The following RIC1 variants were observed in gnomAD, a reference collection of about 807,000 sequenced individuals.
RIC1 encodes the protein guanine nucleotide exchange factor subunit RIC1.
Under a neutral mutation model 169.0 loss-of-function variants are expected in RIC1, and 88 were observed. The ratio of observed to expected loss-of-function variants is 0.52; its 90% confidence interval spans 0.44 to 0.62. The LOEUF (loss-of-function observed/expected upper bound fraction) is 0.62, where lower values mean the gene tolerates loss of function less well. RIC1 is among the 20% of genes least tolerant of loss of function. The probability of loss-of-function intolerance (pLI) is 0.00; values close to 1 mark genes in which losing one functional copy is unlikely to be tolerated. For missense variants in RIC1, 1,877 were observed against 1,725.5 expected (o/e 1.09, Z -1.56); for synonymous variants, 790 against 601.5 (o/e 1.31, Z -4.59).
chr9:5,744,321 C>A (rs767374501), intron 10 of RIC1, among the ~76,000 whole-genome samples: 3 of 152,008 alleles, frequency 2.0e-5, no homozygotes, highest in African/African-American at 7.3e-5. Flanking sequence ...TTGTGCATTA[C>A]TTGAGGATAT....
chr9:5,633,859 A>T (rs1007862306), intron 1 of RIC1, among the ~76,000 whole-genome samples: 5 of 152,190 alleles, frequency 3.3e-5, no homozygotes, highest in African/African-American at 1.2e-4. Flanking sequence ...TATTCATCTT[A>T]TACCTGAAAA....
chr9:5,756,341 T>C lies in RIC1; in HGVS notation c.1822T>C (p.Cys608Arg). ...VIVFRADCSI[C>R]LYSIERKSDG... Reference sequence around the variant, plus strand: ...AGTATTTAGAGCAGACTGTTCAATATGCCTTTACAGTATTGAAAGAAAATC... The same window carrying C: ...AGTATTTAGAGCAGACTGTTCAATACGCCTTTACAGTATTGAAAGAAAATC... The change falls in exon 16 of 26, where the codon TGC (cysteine) becomes CGC (arginine). Residue 608 changes from cysteine to arginine, a missense_variant. By Grantham distance (180) the Cys-to-Arg change is radical (BLOSUM62 -3). Around this residue, in one of 3 missense-constraint regions of RIC1, gnomAD observed 1,104 missense variants for 992.0 expected, o/e 1.11. Coordinates refer to ENST00000414202, the MANE Select transcript of RIC1 (RefSeq NM_020829.4). 1 of 1,556,274 alleles carries C rather than the reference T, an allele frequency of 6.4e-7. No homozygotes were observed. Among genetic ancestry groups the C allele is most frequent in the South Asian group, 1.2e-5 (1 of 81,752 alleles).
rs1586893676 is a variant in RIC1, at chr9:5,658,151, A to G, written c.252+1461A>G. ...TTTTATTCTAGTACATACTCATGTC[A>G]AAAGAACCAAAGAAGACAAAAAGAC... On this transcript the variant is annotated intron_variant, in intron 2 of 25. Transcript: ENST00000414202. 2.0e-5 allele frequency among the ~76,000 whole-genome samples: 3 copies of G among 152,156 alleles called. No individual in the cohort carries two copies. The South Asian group carries it at 6.2e-4, about 31-fold the overall frequency.
Position 5,753,459 on chromosome 9 carries a change from A to C in RIC1, c.1492-77A>C, listed in dbSNP as rs1034391671. 4.3e-6 allele frequency: 4 copies of C among 921,218 alleles called. No individual in the cohort carries two copies. In the African/African-American group the frequency reaches 5.1e-5, roughly 12 times the overall value. 57.1% of individuals were successfully genotyped at this position (921,218 alleles called of 1,614,324 possible). ...CATTTATTAATTGTCTGTTTGCCTGACACAATACTAAGCTCTTTATGCCTA... is the reference window on the plus strand; with the variant it reads ...CATTTATTAATTGTCTGTTTGCCTGCCACAATACTAAGCTCTTTATGCCTA... On this transcript the variant is annotated intron_variant, in intron 13 of 25. Coordinates refer to ENST00000414202, the MANE Select transcript of RIC1 (RefSeq NM_020829.4).
intron 4 of RIC1, among the ~76,000 whole-genome samples, chr9:5,716,045 T>G (rs1363077754): frequency 6.6e-6 from 1 of 152,050 alleles, no homozygotes; most frequent in Admixed American, 6.6e-5. Flanking sequence ...GGTTTCACCA[T>G]GTTGTTGAGG....
intron 3 of RIC1, among the ~76,000 whole-genome samples, chr9:5,704,554 G>A (rs1362280010): frequency 2.0e-5 from 3 of 151,942 alleles, no homozygotes; most frequent in Non-Finnish European, 1.5e-5. Context: ...TGAGTTATAA[G>A]AATTATTTAT....
chr9:5,689,399 G>C (rs193024157), intron 2 of RIC1, among the ~76,000 whole-genome samples: 213 of 152,218 alleles, frequency 1.4e-3, no homozygotes, highest in African/African-American at 4.9e-3. Flanking sequence ...AAATGAACTA[G>C]CTGATACTCA....
intron 4 of RIC1, among the ~76,000 whole-genome samples, chr9:5,716,124 G>T (rs1823228787): frequency 6.6e-6 from 1 of 152,042 alleles, no homozygotes; most frequent in Admixed American, 6.6e-5. Flanking sequence ...GATTGCAGGT[G>T]TTGAGCCACC....
chr9:5,689,892 A>G (rs902554773), intron 2 of RIC1, 67 bp from the exon 3 acceptor site: 17 of 1,093,458 alleles, frequency 1.6e-5, no homozygotes, highest in Non-Finnish European at 1.7e-5. Context: ...AATTTATAAA[A>G]TTAAAATTCA....
At chr9:5,745,789 T>G (rs1825340851) in intron 10 of RIC1, 142 bp from the exon 11 acceptor site, 2 of 662,622 alleles carry the variant, frequency 3.0e-6, no homozygotes, top group East Asian at 5.5e-5. Context: ...TTCTTGTCTG[T>G]GTTATCACGG....
intron 6 of RIC1, among the ~76,000 whole-genome samples, chr9:5,724,551 T>A (rs1443350374): frequency 1.3e-5 from 2 of 152,190 alleles, no homozygotes; most frequent in African/African-American, 4.8e-5. Context: ...TACCCTTTAT[T>A]TCTTTCTTCT....
rs758591473 is a variant in RIC1, at chr9:5,769,138, C to A, written c.3306C>A (p.Ala1102=). Residue 1102 remains alanine, a synonymous_variant, in exon 22 of 26, where the codon GCC becomes GCA. Coordinates refer to ENST00000414202, the MANE Select transcript of RIC1 (RefSeq NM_020829.4). ...TATGCAAGGAACGTACCCGAGCCGC[C>A]CGGGTAGACAACTTTGTAATAGCCC... ...SWLCKERTRA[A]RVDNFVIALK... is the part of the protein sequence containing the mutation. 7.4e-6 allele frequency: 12 copies of A among 1,614,088 alleles called. No homozygotes were observed. The Admixed American group carries it at 1.5e-4, about 20-fold the overall frequency.
chr9:5,743,602 C>G (rs762685398), intron 9 of RIC1, 87 bp from the exon 10 acceptor site: 2 of 1,053,014 alleles, frequency 1.9e-6, no homozygotes, highest in African/African-American at 3.3e-5. Flanking sequence ...GAGCAAAATC[C>G]GTTTGATTTT....
chr9:5,762,253 A>C (rs1826385883), intron 17 of RIC1, among the ~76,000 whole-genome samples: 2 of 152,152 alleles, frequency 1.3e-5, no homozygotes, highest in Non-Finnish European at 2.9e-5. Flanking sequence ...GTGATCTCTC[A>C]TTTTTATAAA....
chr9:5,729,759 AT>A (rs1361792334), intron 6 of RIC1, among the ~76,000 whole-genome samples: 1 of 152,152 alleles, frequency 6.6e-6, no homozygotes, highest in African/African-American at 2.4e-5. Flanking sequence ...CTTTATTCAG[AT>A]AGTAAGGTAC....
chr9:5,746,145 T>C, intron 11 of RIC1, 62 bp downstream of exon 11: 10 of 1,326,192 alleles, frequency 7.5e-6, no homozygotes, highest in South Asian at 1.4e-5. Flanking sequence ...AGACCCTTCT[T>C]TATGACATAT....
At chr9:5,715,308 C>G (rs750435613) in intron 4 of RIC1, among the ~76,000 whole-genome samples, 18 of 151,970 alleles carry the variant, frequency 1.2e-4, no homozygotes, top group Admixed American at 6.6e-5. Context: ...GGTGGGAAAC[C>G]TTGTATGGTG....
At chr9:5,691,299 C>T (rs991704013) in intron 3 of RIC1, among the ~76,000 whole-genome samples, 3 of 151,896 alleles carry the variant, frequency 2.0e-5, no homozygotes, top group African/African-American at 7.2e-5. Flanking sequence ...CAATACAGTA[C>T]AAATATTTAT....
chr9:5,747,626 C>A, intron 12 of RIC1, 121 bp downstream of exon 12: 1 of 850,720 alleles, frequency 1.2e-6, no homozygotes, highest in Non-Finnish European at 1.9e-6. Context: ...ACCATTTTGT[C>A]ATGTCCCTCT....
Sources: gnomAD v4.1 joint callset for allele counts (sites outside exome capture counted in the v4.1 genomes callset) on GRCh38, gnomAD v4.1.1 for gene constraint, gnomAD v4.1.1 regional missense constraint, MANE v1.5 for transcripts, NCBI Gene and HGNC (gene_info 2026-07-23, HGNC 2026-07-21) for gene names.